Variants in RFC3 observed in about 807,000 individuals in gnomAD.
RFC3 encodes A1 38 kDa subunit.
Under a neutral mutation model 45.1 loss-of-function variants are expected in RFC3, and 41 were observed. The ratio of observed to expected loss-of-function variants is 0.91; its 90% CI spans 0.71 to 1.18. The LOEUF (loss-of-function observed/expected upper bound fraction) is 1.18. Among genes scored for constraint, RFC3 ranks in the 50% most tolerant of loss-of-function variants. The probability of loss-of-function intolerance (pLI) is 0.00; values close to 1 mark genes in which losing one functional copy is unlikely to be tolerated. For missense variants in RFC3, 423 were observed against 428.1 expected (o/e 0.99, Z 0.10); for synonymous variants, 149 against 144.0 (o/e 1.03, Z -0.25).
chr13:33,847,575 A>G (rs1162077998), intron 8 of RFC3: 1 of 151,878 alleles, frequency 6.6e-6, no homozygotes, highest in Non-Finnish European at 1.5e-5. Flanking sequence ...AATATGGTCA[A>G]GTATCTCTTA....
chr13:33,918,241 T>C (rs927882408), intron 8 of RFC3, among the ~76,000 whole-genome samples: 2 of 152,130 alleles, frequency 1.3e-5, no homozygotes, highest in African/African-American at 2.4e-5. Context: ...ATGCCTTAGT[T>C]TGCATGGAAT....
At chr13:33,839,823 T>A (rs1349989253), downstream of RFC3, among the ~76,000 whole-genome samples, 1 of 152,224 alleles carries the variant, frequency 6.6e-6, no homozygotes, top group African/African-American at 2.4e-5. Flanking sequence ...GGCTTAAAAA[T>A]GTCTTTGTTT....
intron 8 of RFC3, among the ~76,000 whole-genome samples, chr13:33,942,401 GTA>G (rs1053085288): frequency 1.3e-5 from 2 of 152,206 alleles, no homozygotes; most frequent in Admixed American, 1.3e-4. Flanking sequence ...GGCATACAAT[GTA>G]TAATAATCAA....
At chr13:33,860,589 G>T (rs1295832005) in intron 8 of RFC3, among the ~76,000 whole-genome samples, 1 of 152,092 alleles carries the variant, frequency 6.6e-6, no homozygotes, top group Non-Finnish European at 1.5e-5. Flanking sequence ...GCTTTTTAAT[G>T]TGACAATCGA....
chr13:33,910,955 G>A (rs558558007), intron 8 of RFC3, among the ~76,000 whole-genome samples: 107 of 151,976 alleles, frequency 7.0e-4, no homozygotes, highest in African/African-American at 2.4e-3. Context: ...AGAGCAGCAC[G>A]AAAGGGGGAA....
intron 8 of RFC3, among the ~76,000 whole-genome samples, chr13:33,862,440 T>TTCCATTAATGCTTCCCATCCTTTATG (rs1210311749): frequency 1.3e-5 from 2 of 152,168 alleles, no homozygotes; most frequent in Non-Finnish European, 2.9e-5. Flanking sequence ...ATGCAACTTT[T>TTCCATTAATGCTTCCCATCCTTTATG]TCCATTAATG....
chr13:33,945,399 A>C (rs972533364), intron 8 of RFC3, among the ~76,000 whole-genome samples: 1 of 152,200 alleles, frequency 6.6e-6, no homozygotes, highest in Admixed American at 6.5e-5. Flanking sequence ...AAGGAAGATA[A>C]ATATATATAG....
chr13:33,938,995 A>G (rs766426289), intron 8 of RFC3, among the ~76,000 whole-genome samples: 1 of 152,148 alleles, frequency 6.6e-6, no homozygotes, highest in Non-Finnish European at 1.5e-5. Context: ...TGGTTTTGAT[A>G]TGCTAATTAT....
chr13:33,902,050 A>G (rs1307439257), intron 8 of RFC3, among the ~76,000 whole-genome samples: 1 of 152,172 alleles, frequency 6.6e-6, no homozygotes, highest in Admixed American at 6.6e-5. Flanking sequence ...CATAAGGCAA[A>G]AGCTGTGATG....
intron 8 of RFC3, among the ~76,000 whole-genome samples, chr13:33,934,883 C>T (rs1353180070): frequency 6.6e-6 from 1 of 152,142 alleles, no homozygotes; most frequent in African/African-American, 2.4e-5. Flanking sequence ...TGTCCTATAT[C>T]CAGTGCTCTC....
At chr13:33,949,102 C>G (rs2082972712) in intron 8 of RFC3, among the ~76,000 whole-genome samples, 1 of 152,084 alleles carries the variant, frequency 6.6e-6, no homozygotes, top group Non-Finnish European at 1.5e-5. Flanking sequence ...CAAATCTCAC[C>G]TTTCCCCACG....
intron 8 of RFC3, among the ~76,000 whole-genome samples, chr13:33,925,735 G>A (rs2082807679): frequency 6.6e-6 from 1 of 151,542 alleles, no homozygotes; most frequent in African/African-American, 2.4e-5. Context: ...ATGTATGTCA[G>A]TAGGGTGGAA....
At chr13:33,967,202 T>C (rs938450651), downstream of RFC3, among the ~76,000 whole-genome samples, 1 of 152,022 alleles carries the variant, frequency 6.6e-6, no homozygotes, top group Non-Finnish European at 1.5e-5. Flanking sequence ...ACATTAGGGA[T>C]AAACTAAAGT....
At chr13:33,829,693 T>A (rs555388988) in intron 4 of RFC3, 143 bp from the exon 5 acceptor site, 1 of 681,294 alleles carries the variant, frequency 1.5e-6, no homozygotes, top group South Asian at 1.7e-5. Flanking sequence ...ACCATACTTA[T>A]AACTTTATCT....
intron 4 of RFC3, among the ~76,000 whole-genome samples, chr13:33,827,032 T>A (rs2082055968): frequency 6.6e-6 from 1 of 152,238 alleles, no homozygotes; most frequent in South Asian, 2.1e-4. Context: ...CAAATGTGTG[T>A]TAAATATTGT....
chr13:33,862,689 A>G (rs985504894), intron 8 of RFC3, among the ~76,000 whole-genome samples: 1 of 152,238 alleles, frequency 6.6e-6, no homozygotes, highest in African/African-American at 2.4e-5. Context: ...ATATTCATAT[A>G]TCTTCATATA....
At chr13:33,957,920 C>T (rs200093901) in intron 8 of RFC3, among the ~76,000 whole-genome samples, 1 of 152,114 alleles carries the variant, frequency 6.6e-6, no homozygotes, top group East Asian at 1.9e-4. Flanking sequence ...GTACCATACT[C>T]TGCTGTAGGA....
chr13:33,910,552 G>C (rs1208879625), intron 8 of RFC3, among the ~76,000 whole-genome samples: 1 of 152,046 alleles, frequency 6.6e-6, no homozygotes, highest in South Asian at 2.1e-4. Context: ...ATCACCGAAG[G>C]CTTTCTGGAA....
At chr13:33,883,468 G>A (rs1022638165) in intron 8 of RFC3, among the ~76,000 whole-genome samples, 1 of 152,064 alleles carries the variant, frequency 6.6e-6, no homozygotes, top group Non-Finnish European at 1.5e-5. Context: ...TCTTGATTGT[G>A]GTGGTAGCTA....
Sources: allele counts gnomAD v4.1 joint callset (sites outside exome capture counted in the v4.1 genomes callset), GRCh38; gene constraint gnomAD v4.1.1; transcripts MANE v1.5; gene names NCBI Gene and HGNC (gene_info 2026-07-23, HGNC 2026-07-21).